Variants in CEP57L1 observed in about 807,000 individuals in gnomAD.
CEP57L1 encodes the protein centrosomal protein CEP57L1.
CEP57L1 carries 37 observed loss-of-function variants against 61.0 expected under a neutral mutation model. That is an observed-to-expected ratio of 0.61 (90% CI 0.47 to 0.80). The LOEUF is 0.80. CEP57L1 is among the 30% of genes least tolerant of loss of function. The pLI, the probability that CEP57L1 is intolerant of heterozygous loss-of-function variation, is 0.00. For synonymous variants in CEP57L1, 137 were observed against 162.3 expected (o/e 0.84, Z 1.19); for missense variants, 422 against 524.7 (o/e 0.80, Z 1.91).
At chr6:109,140,360 T>C (rs1223186369) in intron 1 of CEP57L1, 3 of 151,868 alleles carry the variant, frequency 2.0e-5, no homozygotes, top group Non-Finnish European at 4.4e-5. Flanking sequence ...GTTTGTCTTT[T>C]GTCATTCAAT....
Position 109,146,956 on chromosome 6 carries a change from C to A in CEP57L1, c.340+19C>A. 6.3e-7 allele frequency: 1 copy of A among 1,587,684 alleles called. No homozygotes were observed. Among genetic ancestry groups the A allele is most frequent in the Non-Finnish European group, 8.5e-7 (1 of 1,170,250 alleles). On this transcript the variant is annotated intron_variant, in intron 3 of 10. Transcript: ENST00000517392. ...AAAAAAGGTAAGAAATGCAGTAGTT[C>A]TCAGAAACCGGGGGTTACTGGAGTT...
chr6:109,141,903 G>A (rs181573221), intron 1 of CEP57L1, among the ~76,000 whole-genome samples: 5 of 152,242 alleles, frequency 3.3e-5, no homozygotes, highest in Admixed American at 3.3e-4. Flanking sequence ...TCCAAACTTG[G>A]AAGAAGTAGC....
In CEP57L1 at chr6:109,132,905, T is replaced by C. The variant is rs117722928; in HGVS notation, c.-3-12314T>C. Among the ~76,000 whole-genome samples the C allele has an allele frequency of 1.6e-3, 244 of 152,320 alleles. 2 individuals are homozygous for C. The highest frequency in any genetic ancestry group is 2.4e-3 in the Non-Finnish European group (163 of 68,026). On this transcript the variant is annotated intron_variant, in intron 1 of 10. Coordinates refer to ENST00000517392, the MANE Select transcript of CEP57L1 (RefSeq NM_001271852.3). ...ATAAGCCACTTATGTTTCCTCATTTTGAAGTGTCCCTTATGCTTATTTTTT... is the reference window on the plus strand; with the variant it reads ...ATAAGCCACTTATGTTTCCTCATTTCGAAGTGTCCCTTATGCTTATTTTTT...
At chr6:109,095,405 A>T (rs1781563293), upstream of CEP57L1, 1 of 985,778 alleles carries the variant, frequency 1.0e-6, no homozygotes, top group Non-Finnish European at 1.2e-6. Context: ...CCCCAGATTT[A>T]AGTCGGTAGG....
intron 1 of CEP57L1, among the ~76,000 whole-genome samples, chr6:109,143,105 A>G (rs1176534160): frequency 6.6e-6 from 1 of 152,072 alleles, no homozygotes; most frequent in African/African-American, 2.4e-5. Context: ...AAAGCAGGGA[A>G]GCTAATGCCT....
chr6:109,169,079 A>C lies in CEP57L1; in HGVS notation c.*6109A>C, dbSNP rs1474980322. ...CATCTCTACTAAAAATACAAAAATT[A>C]GCCGGGCATGGTGGTATGTGCCTGT... is the stretch of plus-strand genomic sequence containing the variant. On this transcript the variant is annotated 3_prime_UTR_variant, in exon 11 of 11. Transcript: ENST00000517392. Among the ~76,000 whole-genome samples the C allele has an allele frequency of 6.6e-6, 1 of 151,662 alleles. No homozygotes were observed. The highest frequency in any genetic ancestry group is 6.6e-5 in the Admixed American group (1 of 15,242).
At chr6:109,142,506 A>C (rs920384845) in intron 1 of CEP57L1, among the ~76,000 whole-genome samples, 5 of 152,156 alleles carry the variant, frequency 3.3e-5, no homozygotes, top group African/African-American at 7.2e-5. Context: ...AGGTGCAGCA[A>C]ACTAATATGG....
chr6:109,141,772 GAGTT>G (rs1284964416), intron 1 of CEP57L1, among the ~76,000 whole-genome samples: 8 of 151,894 alleles, frequency 5.3e-5, no homozygotes, highest in East Asian at 1.9e-4. Flanking sequence ...AAAAATAAAA[GAGTT>G]AGTCCAGCCT....
chr6:109,164,908 GTC>G lies in CEP57L1; in HGVS notation c.*1942_*1943del, dbSNP rs1287011112. Among the ~76,000 whole-genome samples the G allele has an allele frequency of 6.6e-6, 1 of 151,896 alleles. No homozygotes were observed. Among genetic ancestry groups the G allele is most frequent in the African/African-American group, 2.4e-5 (1 of 41,370 alleles). On this transcript the variant is annotated 3_prime_UTR_variant, in exon 11 of 11. Coordinates refer to ENST00000517392, the MANE Select transcript of CEP57L1 (RefSeq NM_001271852.3). ...CATCCTGGCCAACATGTGAAACCCT[GTC>G]TCTACTAAATTACAAAAATTAGCCG...
intron 1 of CEP57L1, among the ~76,000 whole-genome samples, chr6:109,098,576 A>G (rs538598579): frequency 1.2e-4 from 18 of 152,182 alleles, no homozygotes; most frequent in Admixed American, 5.9e-4. Context: ...TTGGGACTAC[A>G]GGCACGTGCC....
Position 109,167,658 on chromosome 6 carries a change from CAG to C in CEP57L1, c.*4691_*4692del, listed in dbSNP as rs1774194390. On this transcript the variant is annotated 3_prime_UTR_variant, in exon 11 of 11. Coordinates refer to ENST00000517392, the MANE Select transcript of CEP57L1 (RefSeq NM_001271852.3). ...TGCCACTGCACTCCAGCCTGGGCAACAGAGCAAGACTCTGCCTCAAAGCAAAA... is the reference window on the plus strand; with the variant it reads ...TGCCACTGCACTCCAGCCTGGGCAACAGCAAGACTCTGCCTCAAAGCAAAA... Among the ~76,000 whole-genome samples, 1 of 147,482 alleles carries C rather than the reference CAG, an allele frequency of 6.8e-6. No individual in the cohort carries two copies.
intron 1 of CEP57L1, among the ~76,000 whole-genome samples, chr6:109,133,975 C>T (rs909658684): frequency 6.6e-6 from 1 of 152,084 alleles, no homozygotes; most frequent in Admixed American, 6.6e-5. Flanking sequence ...CCGAATTCTA[C>T]CAGAGGTACA....
At chr6:109,130,397 CCT>C (rs113279173) in intron 1 of CEP57L1, among the ~76,000 whole-genome samples, 16,680 of 152,124 alleles carry the variant, frequency 0.11, 994 homozygotes, top group Middle Eastern at 0.21. Flanking sequence ...AAAATTGAAG[CCT>C]CTGTCAGAGT....
chr6:109,153,346 A>G lies in CEP57L1; in HGVS notation c.463-487A>G, dbSNP rs1443615481. Among the ~76,000 whole-genome samples, 5 of 148,978 alleles carry G rather than the reference A, an allele frequency of 3.4e-5. No homozygotes were observed. The East Asian group carries it at 8.1e-4, about 24-fold the overall frequency. Reference sequence around the variant, plus strand: ...AACCTTGACTTGCCAGGCTCAAGCAATCTTCTCATCTCAGCCTCCCAAGCA... The same window carrying G: ...AACCTTGACTTGCCAGGCTCAAGCAGTCTTCTCATCTCAGCCTCCCAAGCA... On this transcript the variant is annotated intron_variant, in intron 4 of 10. Coordinates refer to ENST00000517392, the MANE Select transcript of CEP57L1 (RefSeq NM_001271852.3).
At chr6:109,139,289 A>G (rs1562105426) in intron 1 of CEP57L1, among the ~76,000 whole-genome samples, 1 of 151,984 alleles carries the variant, frequency 6.6e-6, no homozygotes, top group South Asian at 2.1e-4. Context: ...AAACTTATGA[A>G]TGGTTTCTGG....
intron 1 of CEP57L1, among the ~76,000 whole-genome samples, chr6:109,138,931 TAGC>T (rs1340617195): frequency 2.0e-5 from 3 of 152,192 alleles, no homozygotes; most frequent in Non-Finnish European, 4.4e-5. Context: ...CTGTAGATCT[TAGC>T]AACCTCAGCA....
rs1773872735 is a variant in CEP57L1 at position 109,163,178 on chromosome 6, T to C, written c.*208T>C. 31 of 452,744 alleles carry C rather than the reference T, an allele frequency of 6.8e-5. 2 individuals carry two copies. The South Asian group carries it at 9.2e-4, about 13-fold the overall frequency. The allele number at this position is 452,744 out of a possible 1,614,324, so 28.0% of individuals were successfully genotyped here. On this transcript the variant is annotated 3_prime_UTR_variant, in exon 11 of 11. Transcript: ENST00000517392. ...ATTGCTTTTTTATTTTTCTTATTGA[T>C]TGAAGCCCGTAACCTCATCTTGTCT...
rs747908149 is a variant in CEP57L1 at position 109,172,162 on chromosome 6, A to G, written c.*9192A>G. Among the ~76,000 whole-genome samples, 135 of 152,242 alleles carry G rather than the reference A, an allele frequency of 8.9e-4. 2 individuals are homozygous for G. The highest frequency in any genetic ancestry group is 1.3e-4 in the Non-Finnish European group (9 of 68,042). On this transcript the variant is annotated 3_prime_UTR_variant, in exon 11 of 11. Transcript: ENST00000517392. The stretch of plus-strand genomic sequence containing the variant: ...CCAGTTGTCCTTCACCTGTGAAGTC[A>G]TGTAGACAGACCATAATTCTCTCAG...
chr6:109,096,529 A>G (rs1030011712), intron 1 of CEP57L1, among the ~76,000 whole-genome samples: 2 of 152,160 alleles, frequency 1.3e-5, no homozygotes, highest in Non-Finnish European at 2.9e-5. Context: ...CAAATCATGC[A>G]TACTTGGCGG....
Sources: gnomAD v4.1 joint callset for allele counts (sites outside exome capture counted in the v4.1 genomes callset) on GRCh38, gnomAD v4.1.1 for gene constraint, MANE v1.5 for transcripts, NCBI Gene and HGNC (gene_info 2026-07-23, HGNC 2026-07-21) for gene names.